The following INPP4B variants were observed in gnomAD, a reference collection of about 807,000 sequenced individuals.
INPP4B encodes inositol polyphosphate-4-phosphatase type II B.
A neutral mutation model predicts 122.5 loss-of-function variants in INPP4B; 55 were observed. The observed-to-expected ratio is 0.45, with a 90% confidence interval of 0.36 to 0.56. INPP4B has a LOEUF of 0.56. INPP4B is among the 20% of genes least tolerant of loss of function. INPP4B has a pLI of 0.00. For synonymous variants in INPP4B, 403 were observed against 388.7 expected (o/e 1.04, Z -0.43); for missense variants, 1,000 against 1,097.7 (o/e 0.91, Z 1.26).
At chr4:142,269,142 CTTCTT>C (rs951059068) in intron 10 of INPP4B, among the ~76,000 whole-genome samples, 1 of 152,132 alleles carries the variant, frequency 6.6e-6, no homozygotes, top group African/African-American at 2.4e-5. Flanking sequence ...ACGTAATTGA[CTTCTT>C]TTATTTTAAG....
intron 2 of INPP4B, among the ~76,000 whole-genome samples, chr4:142,552,780 C>T (rs1728286230): frequency 6.6e-6 from 1 of 152,078 alleles, no homozygotes; most frequent in African/African-American, 2.4e-5. Flanking sequence ...AATTGTCATC[C>T]CAATTTTAGA....
chr4:142,126,391 G>C (rs1261963246), intron 18 of INPP4B, among the ~76,000 whole-genome samples: 3 of 152,038 alleles, frequency 2.0e-5, no homozygotes, highest in African/African-American at 7.2e-5. Context: ...CATGTCTACT[G>C]TCACTTATTT....
At chr4:142,031,066 TAAAA>T (rs1047228507) in intron 25 of INPP4B, among the ~76,000 whole-genome samples, 1 of 151,764 alleles carries the variant, frequency 6.6e-6, no homozygotes, top group African/African-American at 2.4e-5. Flanking sequence ...TCTGTGTAAA[TAAAA>T]AAAAGTAGGG....
chr4:142,193,184 C>T lies in INPP4B; in HGVS notation c.1084G>A (p.Asp362Asn), dbSNP rs747045725. The T allele has an allele frequency of 2.5e-6, 4 of 1,606,436 alleles. No individual in the cohort carries two copies. Among genetic ancestry groups the T allele is most frequent in the African/African-American group, 2.7e-5 (2 of 74,834 alleles). The change falls in exon 15 of 26, where the codon GAT becomes AAT. Residue 362 changes from aspartate (D) to asparagine (N), a missense_variant. Coordinates refer to ENST00000262992, the MANE Select transcript of INPP4B (RefSeq NM_001101669.3). ...HSPHLKDALYDVITVGAPAAH... is the reference protein window; with the variant it reads ...HSPHLKDALYNVITVGAPAAH... ...GCTGGGGCTCCCACAGTGATGACAT[C>T]GTAGAGAGCATCTGGAGTAGAAACA...
In INPP4B at chr4:142,030,754, T is replaced by G. The variant is rs563049565; in HGVS notation, c.2643-1840A>C. On this transcript the variant is annotated intron_variant, in intron 25 of 25. Transcript: ENST00000262992. Reference sequence around the variant, plus strand: ...ATGTGTCTGGCATATTTAAACATACTCTCTACTGGCATTGCACCTATATAA... The same window carrying G: ...ATGTGTCTGGCATATTTAAACATACGCTCTACTGGCATTGCACCTATATAA... 6.7e-3 allele frequency among the ~76,000 whole-genome samples: 1,018 copies of G among 152,262 alleles called. 7 individuals are homozygous for G. Among genetic ancestry groups the G allele is most frequent in the Non-Finnish European group, 0.012 (812 of 68,016 alleles).
At chr4:142,702,998 T>G (rs1380500047) in intron 2 of INPP4B, among the ~76,000 whole-genome samples, 1 of 152,212 alleles carries the variant, frequency 6.6e-6, no homozygotes, top group African/African-American at 2.4e-5. Flanking sequence ...TAAGCTTGGC[T>G]CAGAAACTTA....
At chr4:142,593,689 T>G (rs759994446) in intron 2 of INPP4B, among the ~76,000 whole-genome samples, 12 of 150,832 alleles carry the variant, frequency 8.0e-5, no homozygotes, top group Admixed American at 2.0e-4. Flanking sequence ...TCTTCCACTT[T>G]CTCTCTTTCT....
intron 12 of INPP4B, among the ~76,000 whole-genome samples, chr4:142,216,061 CTCCTATCTG>C (rs1386278795): frequency 6.6e-6 from 1 of 151,932 alleles, no homozygotes; most frequent in African/African-American, 2.4e-5. Flanking sequence ...TTTTAGAATA[CTCCTATCTG>C]TAAACATTCT....
upstream of INPP4B, among the ~76,000 whole-genome samples, chr4:142,846,489 G>T (rs1784214632): frequency 6.6e-6 from 1 of 152,090 alleles, no homozygotes; most frequent in Non-Finnish European, 1.5e-5. This position sits in a 1 kb window ranked among gnomAD's most constrained non-coding sequence, Gnocchi z 5.1. Context: ...TACCAGCCCC[G>T]CGCGCGCCCC....
chr4:142,371,879 CAAAA>C (rs879842820), intron 7 of INPP4B, among the ~76,000 whole-genome samples: 2 of 129,660 alleles, frequency 1.5e-5, no homozygotes, highest in East Asian at 4.4e-4. Context: ...GGAAGTCTCT[CAAAA>C]AAAAAAAAAC....
At chr4:142,754,938 T>C (rs1265931060) in intron 1 of INPP4B, among the ~76,000 whole-genome samples, 2 of 152,036 alleles carry the variant, frequency 1.3e-5, no homozygotes, top group Non-Finnish European at 2.9e-5. Flanking sequence ...TGCATTTGTA[T>C]GGCACATCAA....
chr4:142,180,514 G>A (rs953933516), intron 15 of INPP4B, among the ~76,000 whole-genome samples: 3 of 152,034 alleles, frequency 2.0e-5, no homozygotes, highest in Non-Finnish European at 4.4e-5. Context: ...CTAGCATTAC[G>A]TTAAATGCTA....
At chr4:142,783,892 A>G (rs1297374132) in intron 1 of INPP4B, among the ~76,000 whole-genome samples, 1 of 152,274 alleles carries the variant, frequency 6.6e-6, no homozygotes, top group Non-Finnish European at 1.5e-5. Context: ...GCAAACAGGT[A>G]AAGGCACATC....
intron 2 of INPP4B, among the ~76,000 whole-genome samples, chr4:142,715,472 G>A (rs886987218): frequency 1.1e-4 from 17 of 152,100 alleles, no homozygotes; most frequent in African/African-American, 3.9e-4. Flanking sequence ...TTTTTAATAG[G>A]GGGCATAGAA....
chr4:142,567,578 G>C lies in INPP4B; in HGVS notation c.-190-104852C>G, dbSNP rs1000141968. On this transcript the variant is annotated intron_variant, in intron 2 of 25. Coordinates refer to ENST00000262992, the MANE Select transcript of INPP4B (RefSeq NM_001101669.3). ...TTCATTTTAGGTAATACATGAAAAT[G>C]TTGAATAAATATATGCTGAAATAAG... Among the ~76,000 whole-genome samples the C allele has an allele frequency of 1.3e-4, 20 of 152,124 alleles. 1 individual carries two copies. The highest frequency in any genetic ancestry group is 4.3e-4 in the African/African-American group (18 of 41,426).
At chr4:142,034,289 G>C (rs1742390985) in intron 25 of INPP4B, among the ~76,000 whole-genome samples, 1 of 152,078 alleles carries the variant, frequency 6.6e-6, no homozygotes, top group East Asian at 1.9e-4. Context: ...AGGAGTGGGG[G>C]TACTGCTACT....
At chr4:142,700,725 T>C (rs1384063446) in intron 2 of INPP4B, among the ~76,000 whole-genome samples, 1 of 152,136 alleles carries the variant, frequency 6.6e-6, no homozygotes, top group Non-Finnish European at 1.5e-5. Flanking sequence ...GATTATAATC[T>C]TTTCTTAGAA....
At chr4:142,265,704 C>A (rs147191888) in intron 10 of INPP4B, among the ~76,000 whole-genome samples, 2 of 152,304 alleles carry the variant, frequency 1.3e-5, no homozygotes, top group South Asian at 2.1e-4. Flanking sequence ...CAGGGCAGAG[C>A]TGATGCCAAA....
At chr4:142,198,328 G>T (rs1839219442) in intron 14 of INPP4B, among the ~76,000 whole-genome samples, 1 of 151,680 alleles carries the variant, frequency 6.6e-6, no homozygotes, top group African/African-American at 2.4e-5. Flanking sequence ...AACATACAGA[G>T]GTTTCAGTAT....
Sources: gnomAD v4.1 joint callset for allele counts (sites outside exome capture counted in the v4.1 genomes callset) on GRCh38, gnomAD v4.1.1 for gene constraint, Gnocchi (gnomAD v3.1) non-coding constraint, MANE v1.5 for transcripts, NCBI Gene and HGNC (gene_info 2026-07-23, HGNC 2026-07-21) for gene names.